TESC: variants seen among roughly 807,000 people sequenced by gnomAD.
TESC encodes tescalcin.
TESC carries 19 observed loss-of-function variants against 31.0 expected under a neutral mutation model. The ratio of observed to expected loss-of-function variants is 0.61; its 90% CI spans 0.43 to 0.90. The LOEUF (loss-of-function observed/expected upper bound fraction) is 0.90, where lower values mean the gene tolerates loss of function less well. TESC is among the 40% of genes least tolerant of loss of function. The pLI is 0.00. For missense variants in TESC, 248 were observed against 303.8 expected, an observed-to-expected ratio of 0.82 and a Z score of 1.36; for synonymous variants, 109 against 114.8, an observed-to-expected ratio of 0.95 and a Z score of 0.32.
intron 1 of TESC, 53 bp from the exon 2 acceptor site, chr12:117,075,393 T>C (rs967273168): frequency 1.1e-5 from 17 of 1,584,490 alleles, no homozygotes; most frequent in African/African-American, 9.4e-5. Context: ...AATCACTGAC[T>C]GTCAGAGGGA....
At chr12:117,086,230 TTG>T (rs1259998109) in intron 1 of TESC, among the ~76,000 whole-genome samples, 2 of 152,306 alleles carry the variant, frequency 1.3e-5, no homozygotes, top group East Asian at 3.9e-4. Context: ...TTTCAAATCA[TTG>T]TGAATGTACT....
chr12:117,042,449 A>G (rs1409089657), intron 6 of TESC, among the ~76,000 whole-genome samples: 1 of 152,184 alleles, frequency 6.6e-6, no homozygotes, highest in Non-Finnish European at 1.5e-5. Context: ...CTGTGCTGAT[A>G]AGAAGATTCC....
chr12:117,076,185 G>A (rs1002805267), intron 1 of TESC, among the ~76,000 whole-genome samples: 1 of 150,556 alleles, frequency 6.6e-6, no homozygotes, highest in African/African-American at 2.4e-5. Flanking sequence ...TATCCTAGCC[G>A]AGAAAGGGGC....
At chr12:117,064,315 T>G (rs907028052) in intron 2 of TESC, among the ~76,000 whole-genome samples, 2 of 152,134 alleles carry the variant, frequency 1.3e-5, no homozygotes, top group Non-Finnish European at 2.9e-5. Context: ...GCTAGGCAAT[T>G]CTCCTATCCA....
intron 1 of TESC, among the ~76,000 whole-genome samples, chr12:117,088,630 G>A (rs984217737): frequency 6.7e-6 from 1 of 148,886 alleles, no homozygotes; most frequent in Non-Finnish European, 1.5e-5. Flanking sequence ...GCAGTGAGCC[G>A]AGATTGTGCC....
chr12:117,061,404 C>A (rs1954799178), intron 2 of TESC, among the ~76,000 whole-genome samples: 1 of 152,000 alleles, frequency 6.6e-6, no homozygotes, highest in South Asian at 2.1e-4. Context: ...GGTGTCCAGA[C>A]CCTGGAAGGA....
chr12:117,075,950 CATATATATATATATATGTATGTATA>C (rs1955067788), intron 1 of TESC, among the ~76,000 whole-genome samples: 1 of 47,642 alleles, frequency 2.1e-5, no homozygotes, highest in African/African-American at 8.5e-5. Flanking sequence ...TGTATATATA[CATATATATATATATATGTATGTATA>C]TATATATATA....
intron 2 of TESC, among the ~76,000 whole-genome samples, chr12:117,072,292 T>C (rs1205024841): frequency 2.0e-5 from 3 of 152,166 alleles, no homozygotes; most frequent in African/African-American, 7.2e-5. Flanking sequence ...AGATGGGGTC[T>C]CACTGTGTTG....
chr12:117,048,522 G>A (rs923097934), intron 4 of TESC, among the ~76,000 whole-genome samples: 6 of 152,096 alleles, frequency 3.9e-5, no homozygotes, highest in African/African-American at 1.2e-4. Flanking sequence ...GAACCCACTC[G>A]GGAGCCAGAA....
In TESC at chr12:117,044,259, G is replaced by A. The variant is rs116148757; in HGVS notation, c.520-2265C>T. ...TGCACTCCAGTTGGGGCGACAGAAC[G>A]AGACCCTGTCTCTTAAAAAATAAAT... On this transcript the variant is annotated intron_variant, in intron 6 of 7. Transcript: ENST00000335209. 2.2e-3 allele frequency among the ~76,000 whole-genome samples: 331 copies of A among 152,024 alleles called. 2 individuals carry two copies. Among genetic ancestry groups the A allele is most frequent in the African/African-American group, 7.4e-3 (305 of 41,450 alleles).
chr12:117,057,664 T>G (rs569071514), intron 2 of TESC, among the ~76,000 whole-genome samples: 8 of 152,312 alleles, frequency 5.3e-5, no homozygotes, highest in Middle Eastern at 3.4e-3. Context: ...AACCTGTGTG[T>G]GAATTTCACA....
intron 2 of TESC, among the ~76,000 whole-genome samples, chr12:117,059,772 T>A (rs1405113350): frequency 6.6e-6 from 1 of 152,088 alleles, no homozygotes; most frequent in Non-Finnish European, 1.5e-5. Flanking sequence ...TCTGTATTTT[T>A]AGTAGAGGTG....
intron 1 of TESC, among the ~76,000 whole-genome samples, chr12:117,076,901 T>C (rs7955727): frequency 0.038 from 5,837 of 152,156 alleles, 406 homozygotes; most frequent in African/African-American, 0.13. Flanking sequence ...CCAGAGTACT[T>C]TGGCACTCAA....
In TESC at chr12:117,097,402, T is replaced by A. The variant is rs550083768; in HGVS notation, c.58+1823A>T. Among the ~76,000 whole-genome samples the A allele has an allele frequency of 2.0e-4, 31 of 152,062 alleles. No individual in the cohort carries two copies. The South Asian group carries it at 4.8e-3, about 23-fold the overall frequency. On this transcript the variant is annotated intron_variant, in intron 1 of 7. Transcript: ENST00000335209. Reference sequence around the variant, plus strand: ...GACTCCCAGCATGCTCTGCAGCCCCTCCTCCCTGTCAAACCCACAACCAGG... The same window carrying A: ...GACTCCCAGCATGCTCTGCAGCCCCACCTCCCTGTCAAACCCACAACCAGG...
intron 2 of TESC, among the ~76,000 whole-genome samples, chr12:117,074,017 A>T (rs150053607): frequency 3.3e-5 from 5 of 152,276 alleles, no homozygotes; most frequent in African/African-American, 1.2e-4. Flanking sequence ...TGAGGCCAGG[A>T]GTTTGAGACC....
At chr12:117,052,102 C>A (rs996277384) in intron 3 of TESC, among the ~76,000 whole-genome samples, 1 of 152,070 alleles carries the variant, frequency 6.6e-6, no homozygotes, top group South Asian at 2.1e-4. Context: ...AAAATGAGCA[C>A]CAGGATGAAG....
intron 7 of TESC, among the ~76,000 whole-genome samples, chr12:117,040,889 GC>G (rs1192421966): frequency 6.6e-6 from 1 of 152,210 alleles, no homozygotes; most frequent in Non-Finnish European, 1.5e-5. Flanking sequence ...AGGCTCCTTG[GC>G]CAGAAGCCGT....
chr12:117,051,672 T>C (rs1415106447), intron 3 of TESC, among the ~76,000 whole-genome samples: 1 of 152,096 alleles, frequency 6.6e-6, no homozygotes, highest in Non-Finnish European at 1.5e-5. Context: ...GCAAGAGGGA[T>C]TAAGATTAGC....
chr12:117,072,869 C>T (rs1397885425), intron 2 of TESC, among the ~76,000 whole-genome samples: 2 of 152,194 alleles, frequency 1.3e-5, no homozygotes, highest in Non-Finnish European at 2.9e-5. Context: ...TCTTGAACCC[C>T]TGGGTTCAAG....
Sources: gnomAD v4.1 joint callset for allele counts (sites outside exome capture counted in the v4.1 genomes callset) on GRCh38, gnomAD v4.1.1 for gene constraint, MANE v1.5 for transcripts, NCBI Gene and HGNC (gene_info 2026-07-23, HGNC 2026-07-21) for gene names.